ZNF236: variants seen among roughly 807,000 people sequenced by gnomAD.
ZNF236 encodes the protein regulated by glucose.
In ZNF236, 50 loss-of-function variants were observed where a neutral mutation model predicts 191.2. The ratio of observed to expected loss-of-function variants is 0.26; its 90% CI spans 0.21 to 0.33. The LOEUF is 0.33. Ranked by LOEUF, ZNF236 falls within the 10% of genes least tolerant of loss-of-function variation. The probability of loss-of-function intolerance (pLI) is 1.00; values close to 1 mark genes in which losing one functional copy is unlikely to be tolerated. For synonymous variants in ZNF236, 907 were observed against 928.8 expected (o/e 0.98, Z 0.43); for missense variants, 1,754 against 2,374.5 (o/e 0.74, Z 5.43).
chr18:76,826,172 C>T (rs987279156), intron 1 of ZNF236, among the ~76,000 whole-genome samples: 3 of 151,728 alleles, frequency 2.0e-5, no homozygotes, highest in Non-Finnish European at 4.4e-5. Flanking sequence ...AGTGCAGTGG[C>T]GCGATCTTGT....
chr18:76,868,307 A>T (rs951470524), intron 3 of ZNF236, among the ~76,000 whole-genome samples: 1 of 152,132 alleles, frequency 6.6e-6, no homozygotes, highest in Admixed American at 6.5e-5. Flanking sequence ...CTTACTTTGA[A>T]TTCTTTCCTG....
At chr18:76,955,510 G>A (rs1193617780) in intron 27 of ZNF236, among the ~76,000 whole-genome samples, 1 of 152,092 alleles carries the variant, frequency 6.6e-6, no homozygotes, top group Non-Finnish European at 1.5e-5. Context: ...TGTGATCCAC[G>A]GTTTGGAAAA....
Position 76,886,837 on chromosome 18 carries a change from C to G in ZNF236, c.1417+5325C>G, listed in dbSNP as rs190322863. ...AATCTGAACATAATCACAGCAAAAG[C>G]CAGTATCTTAGAGGAGGTCCCGTCA... On this transcript the variant is annotated intron_variant, in intron 9 of 30. Coordinates refer to ENST00000320610, the MANE Select transcript of ZNF236 (RefSeq NM_001306089.2). The G allele has an allele frequency of 1.8e-5, 3 of 163,302 alleles. No homozygotes were observed. The East Asian group carries it at 5.5e-4, about 30-fold the overall frequency. The allele number at this position is 163,302 out of a possible 1,614,324, so 10.1% of individuals were successfully genotyped here. A position where few individuals can be genotyped will look rare whatever the true frequency, so the allele number is the denominator to read the frequency against.
intron 3 of ZNF236, among the ~76,000 whole-genome samples, chr18:76,856,981 C>T (rs9973056): frequency 0.34 from 52,280 of 152,138 alleles, 9,306 homozygotes; most frequent in East Asian, 0.52. Context: ...GCAGAACTCG[C>T]ATGGAAGGGA....
In ZNF236 at chr18:76,968,451, T is replaced by TA; in HGVS notation, c.*112_*113insA. On this transcript the variant is annotated 3_prime_UTR_variant, in exon 31 of 31. Transcript: ENST00000320610. ...CAAGTGTTAAAAATGCTACAATAGTTTTTTATCTATAAAATTATCTAAAGA... is the reference window on the plus strand; with the variant it reads ...CAAGTGTTAAAAATGCTACAATAGTTATTTTATCTATAAAATTATCTAAAGA... The TA allele has an allele frequency of 6.7e-7, 1 of 1,494,238 alleles. No homozygotes were observed. The allele number at this position is 1,494,238 out of a possible 1,614,324, so 92.6% of individuals were successfully genotyped here. A position where few individuals can be genotyped will look rare whatever the true frequency, so the allele number is the denominator to read the frequency against.
In ZNF236 at chr18:76,960,562, C is replaced by A; in HGVS notation, c.5243-117C>A. ...GCCCTTTGTTCAGATGACAGCCAGG[C>A]TGAAAGCCTAAAAGAAAAGAGGAAC... On this transcript the variant is annotated intron_variant, in intron 29 of 30. Transcript: ENST00000320610. This position sits in a 1 kb window ranked among gnomAD's most constrained non-coding sequence, Gnocchi z 4.4. 1 of 1,343,438 alleles carries A rather than the reference C, an allele frequency of 7.4e-7. No individual in the cohort carries two copies. The highest frequency in any genetic ancestry group is 1.0e-6 in the Non-Finnish European group (1 of 955,812). The allele number at this position is 1,343,438 out of a possible 1,614,324, so 83.2% of individuals were successfully genotyped here.
intron 18 of ZNF236, 60 bp from the exon 19 acceptor site, chr18:76,915,587 G>T: frequency 6.6e-7 from 1 of 1,516,890 alleles, no homozygotes; most frequent in South Asian, 1.1e-5. Flanking sequence ...GACTGCTTCT[G>T]GTTTTAAGGT....
intron 1 of ZNF236, among the ~76,000 whole-genome samples, chr18:76,823,261 C>T (rs1974917242): frequency 6.6e-6 from 1 of 150,482 alleles, no homozygotes; most frequent in Non-Finnish European, 1.5e-5. Flanking sequence ...ACAGTGTGCT[C>T]CAGTGTTATC....
intron 3 of ZNF236, among the ~76,000 whole-genome samples, chr18:76,858,081 C>A (rs982893146): frequency 2.6e-5 from 4 of 152,046 alleles, no homozygotes; most frequent in Non-Finnish European, 5.9e-5. Context: ...GTTTTCCCTG[C>A]CATCCTCCCT....
intron 19 of ZNF236, among the ~76,000 whole-genome samples, chr18:76,916,337 T>G (rs1967363409): frequency 6.6e-6 from 1 of 152,258 alleles, no homozygotes; most frequent in African/African-American, 2.4e-5. Flanking sequence ...TTGATGGATG[T>G]GCAGCTAGTA....
intron 3 of ZNF236, among the ~76,000 whole-genome samples, chr18:76,864,194 A>G (rs1485701869): frequency 1.4e-5 from 2 of 145,806 alleles, no homozygotes; most frequent in South Asian, 2.2e-4. Context: ...TACAACAAAT[A>G]TCTTTTTTTT....
At chr18:76,893,210 A>G (rs1389795931) in intron 9 of ZNF236, among the ~76,000 whole-genome samples, 1 of 152,234 alleles carries the variant, frequency 6.6e-6, no homozygotes, top group Non-Finnish European at 1.5e-5. Context: ...AGTAGATATT[A>G]TAGTCTCTCA....
At chr18:76,828,168 CTTT>C (rs940904936) in intron 1 of ZNF236, among the ~76,000 whole-genome samples, 10 of 138,840 alleles carry the variant, frequency 7.2e-5, no homozygotes, top group Admixed American at 7.3e-5. Context: ...TAGGGCTTTA[CTTT>C]TTTTTTTTTT....
intron 25 of ZNF236, chr18:76,935,896 T>A (rs370020336): frequency 3.6e-5 from 16 of 449,862 alleles, no homozygotes; most frequent in African/African-American, 1.2e-4. Flanking sequence ...GGCGGGAGGG[T>A]CTGACCTAGC....
At position 76,895,246 on chromosome 18, in the gene ZNF236, A is replaced by G; in HGVS notation, c.1651A>G (p.Thr551Ala). The change falls in exon 10 of 31, where the codon ACC (threonine) becomes GCC (alanine). Residue 551 changes from threonine (T) to alanine (A), a missense_variant. Physicochemically the swap from Thr to Ala is moderately conservative, Grantham distance 58. This residue lies in a region of ZNF236 where 641 missense variants were observed against 869.6 expected (regional missense o/e 0.74). Transcript: ENST00000320610. ...KCQYCMKSFS[T>A]SGSLKVHIRL... is the part of the protein sequence containing the mutation. ...CCAGTACTGCATGAAGAGCTTCTCC[A>G]CCTCTGGCAGCCTCAAGGTGCACAT... The G allele has an allele frequency of 6.3e-7, 1 of 1,599,804 alleles. No homozygotes were observed. The highest frequency in any genetic ancestry group is 8.5e-7 in the Non-Finnish European group (1 of 1,179,912).
rs1368530578 is a variant in ZNF236 at position 76,972,443 on chromosome 18, ACACACTCACCCT to A, written c.*4116_*4127del. ...CACCCTCACCCTCACACACTCACCC[ACACACTCACCCT>A]CACACTCACCCACACACCCTCACAC... is the stretch of plus-strand genomic sequence containing the variant. On this transcript the variant is annotated 3_prime_UTR_variant, in exon 31 of 31. Transcript: ENST00000320610. Among the ~76,000 whole-genome samples, 69 of 151,812 alleles carry A rather than the reference ACACACTCACCCT, an allele frequency of 4.5e-4. No homozygotes were observed. Among genetic ancestry groups the A allele is most frequent in the Admixed American group, 1.8e-3 (27 of 15,236 alleles).
rs756303802 is a variant in ZNF236, at chr18:76,871,681, G to C, written c.543-20G>C. 5 of 1,613,470 alleles carry C rather than the reference G, an allele frequency of 3.1e-6. No homozygotes were observed. The East Asian group carries it at 8.9e-5, about 29-fold the overall frequency. On this transcript the variant is annotated intron_variant, in intron 4 of 30. Coordinates refer to ENST00000320610, the MANE Select transcript of ZNF236 (RefSeq NM_001306089.2). ...AGGGAGACATCTTACTGTGTATTTT[G>C]CCCCCCTTTATTACACTAGGGTATC...
At chr18:76,923,934 A>G (rs779551758) in intron 21 of ZNF236, among the ~76,000 whole-genome samples, 7 of 152,192 alleles carry the variant, frequency 4.6e-5, no homozygotes, top group Non-Finnish European at 1.0e-4. Flanking sequence ...GTGAATGCAG[A>G]GCTGTTGTTA....
intron 5 of ZNF236, among the ~76,000 whole-genome samples, chr18:76,872,837 T>C (rs1030836792): frequency 3.3e-5 from 5 of 152,248 alleles, no homozygotes; most frequent in Non-Finnish European, 5.9e-5. Flanking sequence ...TTTTCTTTTA[T>C]AGTGATAAAG....
Sources: gnomAD v4.1 joint callset for allele counts (sites outside exome capture counted in the v4.1 genomes callset) on GRCh38, gnomAD v4.1.1 for gene constraint, gnomAD v4.1.1 regional missense constraint, Gnocchi (gnomAD v3.1) non-coding constraint, MANE v1.5 for transcripts, NCBI Gene and HGNC (gene_info 2026-07-23, HGNC 2026-07-21) for gene names.